The following GPC5 variants were observed in gnomAD, a reference collection of about 807,000 sequenced individuals.
GPC5 encodes glypican-5.
GPC5 carries 47 observed loss-of-function variants against 53.9 expected under a neutral mutation model. The observed-to-expected ratio is 0.87, with a 90% CI of 0.69 to 1.11. GPC5 has a LOEUF of 1.11. GPC5 is among the 50% of genes most tolerant of loss of function. The pLI, the probability that GPC5 is intolerant of heterozygous loss-of-function variation, is 0.00. For synonymous variants in GPC5, 286 were observed against 263.3 expected (o/e 1.09, Z -0.84); for missense variants, 748 against 713.1 (o/e 1.05, Z -0.56).
chr13:92,128,624 C>T (rs2041718902), intron 6 of GPC5, among the ~76,000 whole-genome samples: 1 of 152,168 alleles, frequency 6.6e-6, no homozygotes, highest in Non-Finnish European at 1.5e-5. Context: ...TTTAGAACAG[C>T]CATCTTAAAT....
chr13:92,414,366 G>A (rs765111821), intron 7 of GPC5, among the ~76,000 whole-genome samples: 9 of 151,960 alleles, frequency 5.9e-5, no homozygotes, highest in East Asian at 3.9e-4. Flanking sequence ...TTAGCTGGGC[G>A]TGGTAGTGCA....
At chr13:91,438,269 G>GT (rs1416123303) in intron 1 of GPC5, among the ~76,000 whole-genome samples, 2 of 152,104 alleles carry the variant, frequency 1.3e-5, no homozygotes, top group African/African-American at 4.8e-5. Flanking sequence ...TTTCTGCTCT[G>GT]TTTTTTCCCC....
At chr13:92,725,210 C>T (rs972125292) in intron 7 of GPC5, among the ~76,000 whole-genome samples, 14 of 151,492 alleles carry the variant, frequency 9.2e-5, no homozygotes, top group African/African-American at 2.9e-4. Context: ...ATGGCAGCCA[C>T]ATTCGTGCCT....
intron 5 of GPC5, among the ~76,000 whole-genome samples, chr13:91,823,662 A>G (rs1044653389): frequency 6.6e-6 from 1 of 152,046 alleles, no homozygotes; most frequent in Non-Finnish European, 1.5e-5. Context: ...GTCTTTTATT[A>G]ATCTCTTAAA....
intron 7 of GPC5, among the ~76,000 whole-genome samples, chr13:92,860,659 T>G (rs1254190560): frequency 6.6e-6 from 1 of 152,076 alleles, no homozygotes; most frequent in Non-Finnish European, 1.5e-5. Context: ...GTGACCAAAG[T>G]TAACAGTTTA....
chr13:92,172,897 G>A (rs73622763), intron 7 of GPC5, among the ~76,000 whole-genome samples: 1 of 151,168 alleles, frequency 6.6e-6, no homozygotes, highest in Non-Finnish European at 1.5e-5. Context: ...TAAAAAGAAA[G>A]CTCTTATAGT....
chr13:92,639,314 C>T (rs1335807985), intron 7 of GPC5, among the ~76,000 whole-genome samples: 1 of 152,148 alleles, frequency 6.6e-6, no homozygotes, highest in Non-Finnish European at 1.5e-5. Context: ...ATTGTAAAAG[C>T]TTCTAAAAAA....
At chr13:91,604,118 A>G (rs1367617714) in intron 2 of GPC5, among the ~76,000 whole-genome samples, 1 of 131,806 alleles carries the variant, frequency 7.6e-6, no homozygotes, top group Non-Finnish European at 1.6e-5. Flanking sequence ...CCACACCACA[A>G]CAGTCCCCAG....
At chr13:91,747,479 G>C (rs1464984942) in intron 4 of GPC5, among the ~76,000 whole-genome samples, 4 of 152,168 alleles carry the variant, frequency 2.6e-5, no homozygotes, top group Admixed American at 2.0e-4. Context: ...ACTTTACTCT[G>C]TTGCACAGTG....
In GPC5 at chr13:92,362,387, T is replaced by A. The variant is rs951812775; in HGVS notation, c.1561+217398T>A. On this transcript the variant is annotated intron_variant, in intron 7 of 7. Transcript: ENST00000377067. Reference sequence around the variant, plus strand: ...TATAAGTGAAACTTTTGATAAAGGGTTAAAAGATCCTTTGGTCTTATTAAG... The same window carrying A: ...TATAAGTGAAACTTTTGATAAAGGGATAAAAGATCCTTTGGTCTTATTAAG... 2.0e-5 allele frequency among the ~76,000 whole-genome samples: 3 copies of A among 151,774 alleles called. 1 individual carries two copies. Among genetic ancestry groups the A allele is most frequent in the African/African-American group, 7.3e-5 (3 of 41,056 alleles).
chr13:91,618,492 C>G (rs1022232856), intron 2 of GPC5, among the ~76,000 whole-genome samples: 1 of 152,170 alleles, frequency 6.6e-6, no homozygotes, highest in East Asian at 1.9e-4. Flanking sequence ...GATCACTACT[C>G]TCTCTCAGCC....
intron 5 of GPC5, among the ~76,000 whole-genome samples, chr13:91,766,413 T>C (rs1046554227): frequency 6.6e-6 from 1 of 152,236 alleles, no homozygotes. Flanking sequence ...TTCATTATAA[T>C]GCAACCATTC....
At chr13:91,974,014 C>T (rs1380354184) in intron 6 of GPC5, among the ~76,000 whole-genome samples, 1 of 152,194 alleles carries the variant, frequency 6.6e-6, no homozygotes, top group Non-Finnish European at 1.5e-5. Context: ...TCAAAGTTGT[C>T]AGACAGGGAC....
intron 5 of GPC5, among the ~76,000 whole-genome samples, chr13:91,894,053 T>A (rs552368342): frequency 6.6e-6 from 1 of 152,294 alleles, no homozygotes; most frequent in Non-Finnish European, 1.5e-5. Flanking sequence ...TCCTTTTTGA[T>A]TTAAGTGCCT....
chr13:92,164,098 G>T (rs1249641484), intron 7 of GPC5, among the ~76,000 whole-genome samples: 3 of 152,092 alleles, frequency 2.0e-5, no homozygotes, highest in Non-Finnish European at 4.4e-5. Context: ...CCAACATGTG[G>T]GGATTACAAT....
intron 2 of GPC5, among the ~76,000 whole-genome samples, chr13:91,591,828 C>T (rs1345861042): frequency 6.6e-6 from 1 of 152,150 alleles, no homozygotes; most frequent in African/African-American, 2.4e-5. Flanking sequence ...CGTCTTACAG[C>T]TCTTGGATTG....
At chr13:91,889,973 G>A (rs1296251995) in intron 5 of GPC5, among the ~76,000 whole-genome samples, 1 of 152,170 alleles carries the variant, frequency 6.6e-6, no homozygotes, top group Non-Finnish European at 1.5e-5. Context: ...CACTGGATTG[G>A]GGATAGGGTA....
intron 7 of GPC5, among the ~76,000 whole-genome samples, chr13:92,679,975 A>G (rs1040389556): frequency 1.4e-5 from 2 of 142,298 alleles, no homozygotes; most frequent in Admixed American, 7.6e-5. Context: ...TCTCTAAGGT[A>G]ATAATGCACT....
At chr13:92,178,165 T>C (rs995440529) in intron 7 of GPC5, among the ~76,000 whole-genome samples, 4 of 152,184 alleles carry the variant, frequency 2.6e-5, no homozygotes, top group Non-Finnish European at 4.4e-5. Flanking sequence ...AAACAATTGC[T>C]TCAGTGAGCC....
Sources: allele counts gnomAD v4.1 joint callset (sites outside exome capture counted in the v4.1 genomes callset), GRCh38; gene constraint gnomAD v4.1.1; transcripts MANE v1.5; gene names NCBI Gene and HGNC (gene_info 2026-07-23, HGNC 2026-07-21).